PLCB1: variants seen among roughly 807,000 people sequenced by gnomAD.
PLCB1 encodes the protein 1-phosphatidylinositol 4,5-bisphosphate phosphodiesterase beta-1.
Under a neutral mutation model 161.8 loss-of-function variants are expected in PLCB1, and 46 were observed. The observed-to-expected ratio is 0.28, with a 90% CI of 0.22 to 0.36. The LOEUF (loss-of-function observed/expected upper bound fraction) is 0.36, where lower values mean the gene tolerates loss of function less well. Among genes scored for constraint, PLCB1 ranks in the 10% least tolerant of loss-of-function variants. The pLI is 1.00. For synonymous variants in PLCB1, 517 were observed against 503.7 expected, an observed-to-expected ratio of 1.03 and a Z score of -0.35; for missense variants, 1,016 against 1,472.5, an observed-to-expected ratio of 0.69 and a Z score of 5.07.
intron 23 of PLCB1, 58 bp downstream of exon 23, chr20:8,741,631 T>C (rs1040359557): frequency 2.6e-6 from 3 of 1,138,810 alleles, no homozygotes; most frequent in East Asian, 2.5e-5. Flanking sequence ...CACCTACTTG[T>C]TGGCTTTGCC....
chr20:8,344,298 T>C (rs916761138), intron 2 of PLCB1, among the ~76,000 whole-genome samples: 1 of 152,174 alleles, frequency 6.6e-6, no homozygotes, highest in African/African-American at 2.4e-5. Context: ...ATGGATTTTG[T>C]GGGTTTGTTT....
intron 3 of PLCB1, among the ~76,000 whole-genome samples, chr20:8,470,549 CT>C (rs774431594): frequency 2.1e-4 from 32 of 152,120 alleles, no homozygotes; most frequent in Non-Finnish European, 3.2e-4. Context: ...ACTTTGTTTT[CT>C]TTTTCCATCC....
rs548604895 is a variant in PLCB1 at position 8,182,795 on chromosome 20, G to A, written c.177+32424G>A. Among the ~76,000 whole-genome samples, 240 of 151,902 alleles carry A rather than the reference G, an allele frequency of 1.6e-3. 2 individuals are homozygous for A. The highest frequency in any genetic ancestry group is 3.0e-3 in the Non-Finnish European group (207 of 67,964). ...AGTGTTTCACCATGTTGGCCAGGCTGGTCTTGAACTCTTAACCTGAAGCAA... is the reference window on the plus strand; with the variant it reads ...AGTGTTTCACCATGTTGGCCAGGCTAGTCTTGAACTCTTAACCTGAAGCAA... On this transcript the variant is annotated intron_variant, in intron 2 of 31. Transcript: ENST00000338037.
intron 19 of PLCB1, among the ~76,000 whole-genome samples, chr20:8,734,758 G>C (rs1479381344): frequency 6.6e-6 from 1 of 151,906 alleles, no homozygotes; most frequent in Non-Finnish European, 1.5e-5. Context: ...CAAAAATATT[G>C]TCTGTTTTCT....
chr20:8,251,174 G>A (rs977751761), intron 2 of PLCB1, among the ~76,000 whole-genome samples: 5 of 152,034 alleles, frequency 3.3e-5, no homozygotes, highest in South Asian at 2.1e-4. Context: ...TGTTTTGTAA[G>A]GACACTAACC....
chr20:8,563,648 T>A (rs1000908644), intron 3 of PLCB1, among the ~76,000 whole-genome samples: 2 of 152,114 alleles, frequency 1.3e-5, no homozygotes, highest in Non-Finnish European at 2.9e-5. Context: ...TTCAGCATAG[T>A]CTCAGGATAC....
chr20:8,750,911 A>G (rs1981429582), intron 23 of PLCB1: 2 of 1,236,036 alleles, frequency 1.6e-6, no homozygotes, highest in African/African-American at 3.1e-5. Flanking sequence ...AGATGCTGTC[A>G]TAAGGTAAAA....
At chr20:8,336,609 C>T (rs894152032) in intron 2 of PLCB1, among the ~76,000 whole-genome samples, 1 of 152,066 alleles carries the variant, frequency 6.6e-6, no homozygotes, top group Admixed American at 6.6e-5. Context: ...AACAAGATAC[C>T]AGGTGATCGT....
At chr20:8,179,334 A>G (rs1030560940) in intron 2 of PLCB1, among the ~76,000 whole-genome samples, 2 of 152,070 alleles carry the variant, frequency 1.3e-5, no homozygotes, top group Non-Finnish European at 2.9e-5. Flanking sequence ...AATTCTCACC[A>G]TAGAGATCTT....
intron 4 of PLCB1, among the ~76,000 whole-genome samples, chr20:8,641,879 G>A (rs1988967629): frequency 1.3e-5 from 2 of 152,092 alleles, no homozygotes; most frequent in Non-Finnish European, 1.5e-5. Context: ...TGATGATCAT[G>A]TATTTATTAT....
chr20:8,708,544 A>C lies in PLCB1; in HGVS notation c.1168-126A>C. The stretch of plus-strand genomic sequence containing the variant: ...GCAGCCCTCAAAATCCCTTCTAGCC[A>C]TTTCAGGCCATTCGATACAATTCTC... On this transcript the variant is annotated intron_variant, in intron 11 of 31. Transcript: ENST00000338037. The C allele has an allele frequency of 6.3e-6, 4 of 635,702 alleles. No homozygotes were observed. In the South Asian group the frequency reaches 8.0e-5, roughly 13 times the overall value. The allele number at this position is 635,702 out of a possible 1,614,324, so 39.4% of individuals were successfully genotyped here.
At chr20:8,260,970 G>A (rs1981660626) in intron 2 of PLCB1, among the ~76,000 whole-genome samples, 1 of 152,110 alleles carries the variant, frequency 6.6e-6, no homozygotes, top group Admixed American at 6.6e-5. Flanking sequence ...GAAAAATGCA[G>A]AGGTATAAAA....
At chr20:8,657,741 C>T (rs1227391731) in intron 8 of PLCB1, among the ~76,000 whole-genome samples, 2 of 151,868 alleles carry the variant, frequency 1.3e-5, no homozygotes, top group African/African-American at 4.8e-5. Context: ...TATATCAAGG[C>T]ATTACCTTTT....
At chr20:8,416,949 C>CACACAA (rs1979303810) in intron 3 of PLCB1, among the ~76,000 whole-genome samples, 1 of 148,420 alleles carries the variant, frequency 6.7e-6, no homozygotes, top group Non-Finnish European at 1.5e-5. Context: ...CACACACACA[C>CACACAA]ACACACACAC....
At chr20:8,679,456 T>C (rs573379026) in intron 9 of PLCB1, among the ~76,000 whole-genome samples, 1 of 152,304 alleles carries the variant, frequency 6.6e-6, no homozygotes, top group East Asian at 1.9e-4. Flanking sequence ...GAGTAGCCCA[T>C]AGCCCAGTAA....
intron 31 of PLCB1, among the ~76,000 whole-genome samples, chr20:8,849,789 C>T (rs1416160172): frequency 6.6e-6 from 1 of 152,032 alleles, no homozygotes; most frequent in African/African-American, 2.4e-5. Context: ...CCAAGGTGGG[C>T]GGATCACGAG....
In PLCB1 at chr20:8,671,783, T is replaced by C. The variant is rs74613423; in HGVS notation, c.862+13079T>C. ...ATCCAGGCCAGTGTTAGGAAAGTTA[T>C]GTGGATAAGCACCATCAACCACACC... On this transcript the variant is annotated intron_variant, in intron 9 of 31. Coordinates refer to ENST00000338037, the MANE Select transcript of PLCB1 (RefSeq NM_015192.4). Among the ~76,000 whole-genome samples the C allele has an allele frequency of 8.4e-3, 1,277 of 152,292 alleles. 6 individuals are homozygous for C. Among genetic ancestry groups the C allele is most frequent in the Middle Eastern group, 0.037 (11 of 294 alleles).
chr20:8,774,436 T>C, intron 26 of PLCB1, 103 bp from the exon 27 acceptor site: 1 of 1,189,940 alleles, frequency 8.4e-7, no homozygotes. Flanking sequence ...AAATATGTAT[T>C]TCCAAACAGA....
chr20:8,235,140 A>G (rs576319419), intron 2 of PLCB1, among the ~76,000 whole-genome samples: 1 of 152,250 alleles, frequency 6.6e-6, no homozygotes, highest in South Asian at 2.1e-4. Flanking sequence ...GCTATCTTTC[A>G]AAGTATGTGT....
Sources: allele counts gnomAD v4.1 joint callset (sites outside exome capture counted in the v4.1 genomes callset), GRCh38; gene constraint gnomAD v4.1.1; transcripts MANE v1.5; gene names NCBI Gene and HGNC (gene_info 2026-07-23, HGNC 2026-07-21).